PTPRA: variants seen among roughly 807,000 people sequenced by gnomAD.
PTPRA encodes receptor-type tyrosine-protein phosphatase alpha.
In PTPRA, 25 loss-of-function variants were observed where a neutral mutation model predicts 104.8. That is an observed-to-expected ratio of 0.24 (90% confidence interval 0.17 to 0.33). The LOEUF (loss-of-function observed/expected upper bound fraction) is 0.33, where lower values mean the gene tolerates loss of function less well. Ranked by LOEUF, PTPRA falls within the 10% of genes least tolerant of loss-of-function variation. PTPRA has a pLI of 1.00. For missense variants in PTPRA, 765 were observed against 1,015.3 expected (o/e 0.75, Z 3.35); for synonymous variants, 323 against 368.9 (o/e 0.88, Z 1.43).
chr20:2,926,988 A>G (rs966360053), intron 2 of PTPRA, among the ~76,000 whole-genome samples: 3 of 150,796 alleles, frequency 2.0e-5, no homozygotes, highest in African/African-American at 7.3e-5. Flanking sequence ...CCAGGTTTTC[A>G]CCTTGTTGGC....
chr20:2,870,520 T>C (rs80098159), upstream of PTPRA, among the ~76,000 whole-genome samples: 1 of 152,364 alleles, frequency 6.6e-6, no homozygotes, highest in Non-Finnish European at 1.5e-5. Flanking sequence ...TTGTCTGTGT[T>C]CCTATCCAGA....
At chr20:2,954,227 G>A (rs542136158) in intron 3 of PTPRA, among the ~76,000 whole-genome samples, 43 of 151,826 alleles carry the variant, frequency 2.8e-4, no homozygotes, top group African/African-American at 8.0e-4. Flanking sequence ...ACAGGCGCCC[G>A]CCACCACGCC....
intron 3 of PTPRA, among the ~76,000 whole-genome samples, chr20:2,960,433 TA>T (rs2061709766): frequency 6.6e-6 from 1 of 152,000 alleles, no homozygotes; most frequent in Non-Finnish European, 1.5e-5. Flanking sequence ...GTATTTGTAG[TA>T]GAGACGGGGT....
At chr20:2,940,040 G>A (rs2060850541) in intron 2 of PTPRA, among the ~76,000 whole-genome samples, 1 of 152,260 alleles carries the variant, frequency 6.6e-6, no homozygotes, top group Non-Finnish European at 1.5e-5. Flanking sequence ...AACCCAGGAG[G>A]TGGAGGTTGC....
chr20:2,940,833 C>T (rs2060885935), intron 2 of PTPRA, among the ~76,000 whole-genome samples: 1 of 152,152 alleles, frequency 6.6e-6, no homozygotes, highest in Non-Finnish European at 1.5e-5. Context: ...ACTTAATTGC[C>T]AGCCCTTTTT....
chr20:2,938,033 CTG>C (rs1259399449), intron 2 of PTPRA, among the ~76,000 whole-genome samples: 6 of 152,020 alleles, frequency 3.9e-5, no homozygotes, highest in Non-Finnish European at 8.8e-5. Flanking sequence ...ATATCTAAAT[CTG>C]AGGCTGAGTG....
chr20:2,938,129 G>T (rs1371217339), intron 2 of PTPRA, among the ~76,000 whole-genome samples: 1 of 152,074 alleles, frequency 6.6e-6, no homozygotes, highest in African/African-American at 2.4e-5. Flanking sequence ...GACCAGCCTG[G>T]ACAACATAGT....
chr20:2,967,618 T>G, intron 5 of PTPRA, among the ~76,000 whole-genome samples: 1 of 152,208 alleles, frequency 6.6e-6, no homozygotes, highest in East Asian at 1.9e-4. Flanking sequence ...CCCAGCACTT[T>G]GGGAGGCCAA....
In PTPRA at chr20:3,035,979, C is replaced by T. The variant is rs375686832; in HGVS notation, c.2198+38C>T. ...CTTGCCCTCAGCGGGAGAGAGAAAG[C>T]GAGGAGGGGCAGATAGGGGAAGCTG... On this transcript the variant is annotated intron_variant, in intron 22 of 23. Coordinates refer to ENST00000399903, the MANE Select transcript of PTPRA (RefSeq NM_001385305.1). This position sits in a 1 kb window ranked among gnomAD's most constrained non-coding sequence, Gnocchi z 5.8. 5.9e-5 allele frequency: 95 copies of T among 1,611,106 alleles called. 2 individuals carry two copies. In the South Asian group the frequency reaches 6.4e-4, roughly 11 times the overall value.
chr20:2,874,120 A>G (rs2089546180), intron 1 of PTPRA, among the ~76,000 whole-genome samples: 2 of 152,174 alleles, frequency 1.3e-5, no homozygotes, highest in South Asian at 2.1e-4. Context: ...GGAAAGAGGA[A>G]AACTCTTGGC....
At chr20:2,984,628 C>T (rs946448339) in intron 6 of PTPRA, among the ~76,000 whole-genome samples, 11 of 152,132 alleles carry the variant, frequency 7.2e-5, no homozygotes, top group African/African-American at 2.7e-4. Context: ...CAAAGCCCTT[C>T]GATGACATAG....
At chr20:2,958,401 TG>T (rs1405476112) in intron 3 of PTPRA, among the ~76,000 whole-genome samples, 1 of 152,024 alleles carries the variant, frequency 6.6e-6, no homozygotes, top group Non-Finnish European at 1.5e-5. Flanking sequence ...ATGGGGATTT[TG>T]GTTGTCATCC....
At chr20:2,968,957 C>CA (rs2062047610) in intron 5 of PTPRA, among the ~76,000 whole-genome samples, 2 of 152,202 alleles carry the variant, frequency 1.3e-5, no homozygotes, top group East Asian at 3.9e-4. Context: ...CCTGTAATCC[C>CA]AGCACTTTGG....
At chr20:3,004,238 G>A (rs1600239250) in intron 9 of PTPRA, among the ~76,000 whole-genome samples, 3 of 151,368 alleles carry the variant, frequency 2.0e-5, no homozygotes, top group African/African-American at 2.4e-5. Context: ...GGCTGGTCTC[G>A]AACTCCTGAC....
chr20:3,004,298 G>C (rs1475464763), intron 9 of PTPRA, among the ~76,000 whole-genome samples: 2 of 152,188 alleles, frequency 1.3e-5, no homozygotes, highest in Non-Finnish European at 2.9e-5. Flanking sequence ...GATTACAGGC[G>C]TGAGCCACTT....
chr20:2,947,157 G>C (rs1210749994), intron 2 of PTPRA, among the ~76,000 whole-genome samples: 1 of 152,106 alleles, frequency 6.6e-6, no homozygotes, highest in Non-Finnish European at 1.5e-5. Context: ...CCATTTATTT[G>C]CTTTATATAA....
intron 1 of PTPRA, among the ~76,000 whole-genome samples, chr20:2,920,495 C>T (rs1254027559): frequency 1.3e-5 from 2 of 152,176 alleles, no homozygotes; most frequent in Non-Finnish European, 2.9e-5. Context: ...AAAGCTCCCC[C>T]AGCAACTCTA....
Position 3,004,941 on chromosome 20 carries a change from T to G in PTPRA, c.739-115T>G, listed in dbSNP as rs563111529. The stretch of plus-strand genomic sequence containing the variant: ...CTGCAGGTATTCACCTGGGCCCATG[T>G]TTTTCCCCCCAGGAAAAGGTAGAAC... On this transcript the variant is annotated intron_variant, in intron 9 of 23. Transcript: ENST00000399903. The G allele has an allele frequency of 4.4e-4, 412 of 926,920 alleles. 2 individuals carry two copies. In the African/African-American group the frequency reaches 5.8e-3, roughly 13 times the overall value. The allele number at this position is 926,920 out of a possible 1,614,324, so 57.4% of individuals were successfully genotyped here. A position where few individuals can be genotyped will look rare whatever the true frequency, so the allele number is the denominator to read the frequency against.
chr20:2,972,086 C>T lies in PTPRA; in HGVS notation c.416-3129C>T, dbSNP rs73606194. Among the ~76,000 whole-genome samples the T allele has an allele frequency of 2.0e-5, 3 of 152,256 alleles. No individual in the cohort carries two copies. In the East Asian group the frequency reaches 5.8e-4, roughly 29 times the overall value. The stretch of plus-strand genomic sequence containing the variant: ...TGACCCCATGATCCTGCCTCAGCCT[C>T]CCAAAGTGCTGGGATTATAGGTGTG... On this transcript the variant is annotated intron_variant, in intron 5 of 23. Coordinates refer to ENST00000399903, the MANE Select transcript of PTPRA (RefSeq NM_001385305.1).
Sources: gnomAD v4.1 joint callset for allele counts (sites outside exome capture counted in the v4.1 genomes callset) on GRCh38, gnomAD v4.1.1 for gene constraint, Gnocchi (gnomAD v3.1) non-coding constraint, MANE v1.5 for transcripts, NCBI Gene and HGNC (gene_info 2026-07-23, HGNC 2026-07-21) for gene names.